The following FBXL5 variants were observed in gnomAD, a reference collection of about 807,000 sequenced individuals.
The protein encoded by FBXL5 is F-box/LRR-repeat protein 5.
A neutral mutation model predicts 78.3 loss-of-function variants in FBXL5; 26 were observed. The ratio of observed to expected loss-of-function variants is 0.33; its 90% CI spans 0.24 to 0.46. FBXL5 has a LOEUF of 0.46. Ranked by LOEUF, FBXL5 falls within the 20% of genes least tolerant of loss-of-function variation. The pLI, the probability that FBXL5 is intolerant of heterozygous loss-of-function variation, is 1.00. For synonymous variants in FBXL5, 295 were observed against 282.5 expected, an observed-to-expected ratio of 1.04 and a Z score of -0.45; for missense variants, 710 against 829.2, an observed-to-expected ratio of 0.86 and a Z score of 1.77.
At position 15,625,916 on chromosome 4, in the gene FBXL5, T is replaced by G. The variant is rs151153192; in HGVS notation, c.1186A>C (p.Ile396Leu). The change falls in exon 9 of 11, where the codon ATC (isoleucine) becomes CTC (leucine). Residue 396 changes from isoleucine (I) to leucine (L), a missense_variant. Coordinates refer to ENST00000341285, the MANE Select transcript of FBXL5 (RefSeq NM_012161.4). Reference protein sequence around the residue: ...RHLDLSGCEKITDVALEKISR... With the variant: ...RHLDLSGCEKLTDVALEKISR... Reference sequence around the variant, plus strand: ...ATCTTCTCTAGGGCCACATCTGTGATTTTCTCACAACCAGACAGATCAAGA... The same window carrying G: ...ATCTTCTCTAGGGCCACATCTGTGAGTTTCTCACAACCAGACAGATCAAGA... The G allele has an allele frequency of 3.6e-5, 58 of 1,613,604 alleles. No individual in the cohort carries two copies. In the African/African-American group the frequency reaches 5.3e-4, roughly 15 times the overall value.
chr4:15,629,617 A>G (rs988593723), intron 6 of FBXL5, among the ~76,000 whole-genome samples: 1 of 152,132 alleles, frequency 6.6e-6, no homozygotes, highest in African/African-American at 2.4e-5. Context: ...GTTCACCATT[A>G]GATCCTTCAT....
chr4:15,634,027 C>T (rs1048141186), intron 5 of FBXL5, among the ~76,000 whole-genome samples: 12 of 152,114 alleles, frequency 7.9e-5, no homozygotes, highest in African/African-American at 2.7e-4. Flanking sequence ...AGCAACAACC[C>T]TGGCCTCTAC....
intron 5 of FBXL5, among the ~76,000 whole-genome samples, 168 bp from the exon 6 acceptor site, chr4:15,630,959 C>T (rs1478033619): frequency 6.6e-6 from 1 of 152,156 alleles, no homozygotes; most frequent in Non-Finnish European, 1.5e-5. Context: ...GGTACATGTG[C>T]ACAACGTGCA....
At chr4:15,635,761 G>GAAAAA (rs71649918) in intron 5 of FBXL5, among the ~76,000 whole-genome samples, 1 of 120,626 alleles carries the variant, frequency 8.3e-6, no homozygotes, top group Admixed American at 8.6e-5. Context: ...CTCAAAAAAA[G>GAAAAA]AAAAAAAAAA....
At chr4:15,671,732 C>T (rs544066726) in intron 1 of FBXL5, among the ~76,000 whole-genome samples, 107 of 152,298 alleles carry the variant, frequency 7.0e-4, no homozygotes, top group Non-Finnish European at 1.2e-3. Context: ...AACTTATGCA[C>T]AGCTCACTGA....
At chr4:15,626,434 G>T (rs990845805) in intron 8 of FBXL5, among the ~76,000 whole-genome samples, 1 of 152,150 alleles carries the variant, frequency 6.6e-6, no homozygotes, top group African/African-American at 2.4e-5. Flanking sequence ...TGGGAAAGAG[G>T]GAGTGAGCAA....
At chr4:15,675,557 G>A (rs140425404) in intron 1 of FBXL5, among the ~76,000 whole-genome samples, 2 of 148,858 alleles carry the variant, frequency 1.3e-5, no homozygotes, top group African/African-American at 4.9e-5. Context: ...TTAACTTCTC[G>A]GTCACAAAAC....
chr4:15,662,188 A>C (rs2148772925), upstream of FBXL5, among the ~76,000 whole-genome samples: 1 of 152,322 alleles, frequency 6.6e-6, no homozygotes, highest in East Asian at 1.9e-4. Flanking sequence ...GAAGGGATTA[A>C]TTGAGGGCCA....
intron 1 of FBXL5, among the ~76,000 whole-genome samples, chr4:15,645,403 G>A (rs1436629446): frequency 6.6e-6 from 1 of 152,036 alleles, no homozygotes; most frequent in Non-Finnish European, 1.5e-5. Flanking sequence ...TTACTTAACT[G>A]TGTAACCCTG....
At chr4:15,663,192 C>T (rs1717393626), upstream of FBXL5, among the ~76,000 whole-genome samples, 1 of 151,960 alleles carries the variant, frequency 6.6e-6, no homozygotes, top group South Asian at 2.1e-4. Context: ...TATGATATTC[C>T]TCTCCAAAGA....
rs1383733792 is a variant in FBXL5 at position 15,646,149 on chromosome 4, AAAG to A, written c.85-1444_85-1442del. On this transcript the variant is annotated intron_variant, in intron 1 of 10. Transcript: ENST00000341285. ...TATTTACCTCAGCAGTTGTAGCACA[AAAG>A]TAGTCATAGACAACATGTAAATGAA... is the stretch of plus-strand genomic sequence containing the variant. 3.9e-5 allele frequency among the ~76,000 whole-genome samples: 6 copies of A among 152,384 alleles called. 1 individual carries two copies. In the Middle Eastern group the frequency reaches 0.01, roughly 259 times the overall value.
At position 15,625,799 on chromosome 4, in the gene FBXL5, C is replaced by T. The variant is rs1384418463; in HGVS notation, c.1303G>A (p.Asp435Asn). The change falls in exon 9 of 11, where the codon GAC becomes AAC. Residue 435 changes from aspartate (D) to asparagine (N), a missense_variant. Coordinates refer to ENST00000341285, the MANE Select transcript of FBXL5 (RefSeq NM_012161.4). ...TGCTTGGTGGACTGCATGGTAATGT[C>T]TTTATTTTTCCACGCAGTTGAAGTA... ...KITSTAWKNK[D>N]ITMQSTKQYA... 3.1e-6 allele frequency: 5 copies of T among 1,614,002 alleles called. No individual in the cohort carries two copies. The highest frequency in any genetic ancestry group is 3.4e-6 in the Non-Finnish European group (4 of 1,180,016).
chr4:15,618,844 AAAG>A (rs989291318), intron 9 of FBXL5, among the ~76,000 whole-genome samples: 1 of 152,156 alleles, frequency 6.6e-6, no homozygotes, highest in Non-Finnish European at 1.5e-5. Flanking sequence ...TCTCTAAAAA[AAAG>A]AAGAATTAAC....
At chr4:15,660,146 A>G (rs977588011), upstream of FBXL5, among the ~76,000 whole-genome samples, 2 of 151,836 alleles carry the variant, frequency 1.3e-5, no homozygotes, top group Non-Finnish European at 2.9e-5. Context: ...TGGCACAAAC[A>G]TAGCTTACTG....
chr4:15,676,917 CAA>C (rs949564880), intron 1 of FBXL5, among the ~76,000 whole-genome samples: 2 of 151,718 alleles, frequency 1.3e-5, no homozygotes, highest in Non-Finnish European at 2.9e-5. Context: ...AACAAAAAGA[CAA>C]AAAAAGTAGT....
intron 1 of FBXL5, among the ~76,000 whole-genome samples, chr4:15,652,187 T>A (rs1013651857): frequency 1.3e-5 from 2 of 152,176 alleles, no homozygotes; most frequent in African/African-American, 4.8e-5. Flanking sequence ...AAGGATGTCA[T>A]TCAATATAAA....
At chr4:15,622,975 T>C (rs916814265) in intron 9 of FBXL5, among the ~76,000 whole-genome samples, 1 of 152,184 alleles carries the variant, frequency 6.6e-6, no homozygotes, top group African/African-American at 2.4e-5. Flanking sequence ...CAGCAGTAAA[T>C]TATCCACTTT....
At chr4:15,644,836 AT>A in intron 1 of FBXL5, 128 bp from the exon 2 acceptor site, 2 of 640,472 alleles carry the variant, frequency 3.1e-6, no homozygotes, top group Non-Finnish European at 5.3e-6. Context: ...TAAAGTACAA[AT>A]AAAAGAAATT....
intron 1 of FBXL5, among the ~76,000 whole-genome samples, chr4:15,676,636 C>G (rs1274357979): frequency 6.6e-6 from 1 of 151,496 alleles, no homozygotes; most frequent in African/African-American, 2.4e-5. Flanking sequence ...ACATTTCCTT[C>G]ACAATAATTC....
Sources: allele counts gnomAD v4.1 joint callset (sites outside exome capture counted in the v4.1 genomes callset), GRCh38; gene constraint gnomAD v4.1.1; transcripts MANE v1.5; gene names NCBI Gene and HGNC (gene_info 2026-07-23, HGNC 2026-07-21).